Variants in CTNNA3 observed in about 807,000 individuals in gnomAD.
CTNNA3 encodes the protein catenin alpha 3.
Under a neutral mutation model 95.7 loss-of-function variants are expected in CTNNA3, and 76 were observed. That is an observed-to-expected ratio of 0.79 (90% CI 0.66 to 0.96). The LOEUF is 0.96. Among genes scored for constraint, CTNNA3 ranks in the 40% least tolerant of loss-of-function variants. CTNNA3 has a pLI of 0.00. For missense variants in CTNNA3, 1,191 were observed against 1,089.8 expected, an observed-to-expected ratio of 1.09 and a Z score of -1.31; for synonymous variants, 431 against 374.4, an observed-to-expected ratio of 1.15 and a Z score of -1.74.
At chr10:67,508,171 A>C (rs1270346535) in intron 5 of CTNNA3, among the ~76,000 whole-genome samples, 2 of 151,752 alleles carry the variant, frequency 1.3e-5, no homozygotes, top group Non-Finnish European at 2.9e-5. Context: ...ACACCACCAC[A>C]CCTGCTAATT....
At chr10:67,559,213 C>T (rs1027205577) in intron 3 of CTNNA3, among the ~76,000 whole-genome samples, 3 of 152,234 alleles carry the variant, frequency 2.0e-5, no homozygotes, top group Non-Finnish European at 4.4e-5. Flanking sequence ...TCCTCACCCC[C>T]GAGCAGCCTA....
intron 7 of CTNNA3, among the ~76,000 whole-genome samples, chr10:66,902,037 G>C (rs1467220077): frequency 6.6e-6 from 1 of 152,126 alleles, no homozygotes; most frequent in African/African-American, 2.4e-5. Context: ...GGACCTATTA[G>C]ACATCTACAG....
At chr10:66,063,924 C>A (rs1337866273) in intron 15 of CTNNA3, among the ~76,000 whole-genome samples, 1 of 152,070 alleles carries the variant, frequency 6.6e-6, no homozygotes, top group African/African-American at 2.4e-5. Context: ...GATCTTCAAC[C>A]CTTACACTTC....
At chr10:67,030,888 C>T (rs1347019338) in intron 7 of CTNNA3, among the ~76,000 whole-genome samples, 1 of 152,076 alleles carries the variant, frequency 6.6e-6, no homozygotes, top group Non-Finnish European at 1.5e-5. Flanking sequence ...TCTGTAATCC[C>T]AGCTACTCAG....
chr10:66,912,637 A>C (rs1003358648), intron 7 of CTNNA3, among the ~76,000 whole-genome samples: 1 of 152,186 alleles, frequency 6.6e-6, no homozygotes, highest in Non-Finnish European at 1.5e-5. Context: ...ACATTCCCTC[A>C]ATATCTATAG....
At chr10:66,291,194 C>T (rs1224893628) in intron 12 of CTNNA3, among the ~76,000 whole-genome samples, 1 of 152,124 alleles carries the variant, frequency 6.6e-6, no homozygotes, top group Non-Finnish European at 1.5e-5. Flanking sequence ...TGCATTTTCT[C>T]ATTGCATTTT....
At chr10:67,522,205 A>C (rs2133160198) in intron 4 of CTNNA3, among the ~76,000 whole-genome samples, 1 of 152,292 alleles carries the variant, frequency 6.6e-6, no homozygotes, top group Non-Finnish European at 1.5e-5. Flanking sequence ...TCATTCTAAC[A>C]AAAGAGCATA....
intron 15 of CTNNA3, among the ~76,000 whole-genome samples, chr10:66,025,466 A>C (rs562522780): frequency 2.1e-4 from 32 of 152,332 alleles, no homozygotes; most frequent in Non-Finnish European, 4.0e-4. Context: ...TATTTAAATA[A>C]TACCACTTTT....
chr10:67,202,180 A>T (rs1863677793), intron 6 of CTNNA3, among the ~76,000 whole-genome samples: 1 of 151,220 alleles, frequency 6.6e-6, no homozygotes, highest in South Asian at 2.1e-4. Context: ...TTCAGTTTCA[A>T]AAAATAATTG....
chr10:66,159,626 G>GTTTTTT (rs34684370), intron 13 of CTNNA3, among the ~76,000 whole-genome samples: 1 of 114,936 alleles, frequency 8.7e-6, no homozygotes, highest in Non-Finnish European at 1.8e-5. Context: ...TTTGTTTTCT[G>GTTTTTT]TTTTTTTTTT....
chr10:66,939,865 A>G (rs1397419658), intron 7 of CTNNA3, among the ~76,000 whole-genome samples: 1 of 152,138 alleles, frequency 6.6e-6, no homozygotes, highest in Non-Finnish European at 1.5e-5. Flanking sequence ...ATTTCATTGT[A>G]CTTGTAACAA....
At chr10:66,042,600 A>T (rs995722067) in intron 15 of CTNNA3, among the ~76,000 whole-genome samples, 9 of 151,248 alleles carry the variant, frequency 6.0e-5, no homozygotes, top group East Asian at 5.8e-4. Flanking sequence ...AAGTAGTATT[A>T]AAAAAAAATG....
chr10:67,123,966 C>T lies in CTNNA3; in HGVS notation c.1047+56351G>A, dbSNP rs1329586077. Reference sequence around the variant, plus strand: ...ATCTTCTGTCAATTACACATATACACATACACACACGTGTGGACATAAAGT... The same window carrying T: ...ATCTTCTGTCAATTACACATATACATATACACACACGTGTGGACATAAAGT... On this transcript the variant is annotated intron_variant, in intron 7 of 17. Coordinates refer to ENST00000433211, the MANE Select transcript of CTNNA3 (RefSeq NM_013266.4). Among the ~76,000 whole-genome samples the T allele has an allele frequency of 3.9e-5, 6 of 152,140 alleles. No homozygotes were observed. In the South Asian group the frequency reaches 1.2e-3, roughly 32 times the overall value.
intron 11 of CTNNA3, among the ~76,000 whole-genome samples, chr10:66,412,435 G>A (rs542857151): frequency 6.7e-6 from 1 of 149,698 alleles, no homozygotes; most frequent in South Asian, 2.1e-4. Context: ...TAGTAGAAGG[G>A]AAATCAGAGA....
intron 7 of CTNNA3, among the ~76,000 whole-genome samples, chr10:66,924,868 C>T (rs2140381): frequency 0.29 from 44,071 of 151,934 alleles, 7,627 homozygotes; most frequent in East Asian, 0.47. Flanking sequence ...GTAAGTAACG[C>T]GCTTAAGGTT....
intron 7 of CTNNA3, among the ~76,000 whole-genome samples, chr10:66,878,286 G>C (rs904095398): frequency 4.6e-5 from 7 of 151,960 alleles, no homozygotes; most frequent in African/African-American, 1.4e-4. Flanking sequence ...TCTAAATCCG[G>C]CTCACGGCAG....
chr10:67,645,930 A>G (rs1300124561), intron 2 of CTNNA3, among the ~76,000 whole-genome samples: 1 of 147,570 alleles, frequency 6.8e-6, no homozygotes, highest in East Asian at 2.1e-4. Flanking sequence ...GTTAATATAT[A>G]TATATTCTTC....
chr10:66,056,317 G>A (rs180782419), intron 15 of CTNNA3, among the ~76,000 whole-genome samples: 4 of 152,018 alleles, frequency 2.6e-5, no homozygotes, highest in Non-Finnish European at 4.4e-5. Flanking sequence ...CATTCTGTTG[G>A]TATGATGTAT....
intron 11 of CTNNA3, among the ~76,000 whole-genome samples, chr10:66,434,908 G>GT (rs200584333): frequency 0.12 from 17,649 of 150,458 alleles, 1,480 homozygotes; most frequent in African/African-American, 0.24. Context: ...ATAATCATGT[G>GT]TTTTTTTTTC....
Sources: allele counts gnomAD v4.1 joint callset (sites outside exome capture counted in the v4.1 genomes callset), GRCh38; gene constraint gnomAD v4.1.1; transcripts MANE v1.5; gene names NCBI Gene and HGNC (gene_info 2026-07-23, HGNC 2026-07-21).